ZDHHC22: variants seen among roughly 807,000 people sequenced by gnomAD.
ZDHHC22 encodes palmitoyltransferase ZDHHC22.
ZDHHC22 carries 13 observed loss-of-function variants against 17.0 expected under a neutral mutation model. That is an observed-to-expected ratio of 0.76 (90% CI 0.50 to 1.21). ZDHHC22 has a LOEUF of 1.21. ZDHHC22 is among the 50% of genes most tolerant of loss of function. The pLI, the probability that ZDHHC22 is intolerant of heterozygous loss-of-function variation, is 0.00. For synonymous variants in ZDHHC22, 138 were observed against 154.7 expected, an observed-to-expected ratio of 0.89 and a Z score of 0.80; for missense variants, 319 against 342.3, an observed-to-expected ratio of 0.93 and a Z score of 0.54.
chr14:77,139,422 C>G lies in ZDHHC22; in HGVS notation c.317G>C (p.Arg106Thr). ...GGTGAAGAAACAGTGATGGTCGTGCCTCAGGGTGACTCTGGCGCACACTCG... is the reference window on the plus strand; with the variant it reads ...GGTGAAGAAACAGTGATGGTCGTGCGTCAGGGTGACTCTGGCGCACACTCG... Reference protein sequence around the residue: ...FCRVCARVTLRHDHHCFFTGN... With the variant: ...FCRVCARVTLTHDHHCFFTGN... Residue 106 changes from arginine (R) to threonine (T), a missense_variant, in exon 2 of 3, where the codon AGG becomes ACG. Physicochemically the swap from Arg to Thr is moderately conservative, Grantham distance 71. Transcript: ENST00000319374. The G allele has an allele frequency of 6.2e-7, 1 of 1,611,908 alleles. No homozygotes were observed.
chr14:77,135,435 C>A (rs76396729), intron 2 of ZDHHC22, among the ~76,000 whole-genome samples: 2 of 152,252 alleles, frequency 1.3e-5, no homozygotes, highest in Middle Eastern at 3.4e-3. Flanking sequence ...TAGCAGCCTC[C>A]TCTTGTCCTC....
At position 77,139,725 on chromosome 14, in the gene ZDHHC22, C is replaced by T. The variant is rs1887213274; in HGVS notation, c.14G>A (p.Arg5Gln). The change falls in exon 2 of 3, where the codon CGG (arginine) becomes CAG (glutamine). Residue 5 changes from arginine to glutamine, a missense_variant. Arg to Gln is a conservative substitution (Grantham distance 43). Transcript: ENST00000319374. ...GGCGGGGGCCACCACGTTGAGCAGC[C>T]GCAGGGCCAGCATCCTCGATTACAT... MLAL[R>Q]LLNVVAPAYF... The T allele has an allele frequency of 6.6e-7, 1 of 1,507,730 alleles. No homozygotes were observed. Among genetic ancestry groups the T allele is most frequent in the Non-Finnish European group, 8.9e-7 (1 of 1,128,194 alleles). The allele number at this position is 1,507,730 out of a possible 1,614,324, so 93.4% of individuals were successfully genotyped here.
chr14:77,133,656 C>T lies in ZDHHC22; in HGVS notation c.*27G>A. ...TGCTCAGGAGGAGTCAAGACAGAGA[C>T]AGAGAGATAAATGACGGGAGTGTCT... On this transcript the variant is annotated 3_prime_UTR_variant, in exon 3 of 3. Coordinates refer to ENST00000319374, the MANE Select transcript of ZDHHC22 (RefSeq NM_174976.2). The T allele has an allele frequency of 6.3e-7, 1 of 1,596,228 alleles. No individual in the cohort carries two copies.
chr14:77,139,865 A>C, intron 1 of ZDHHC22, 113 bp from the exon 2 acceptor site: 1 of 1,135,020 alleles, frequency 8.8e-7, no homozygotes, highest in Non-Finnish European at 1.2e-6. Flanking sequence ...CACGCCCCCA[A>C]CCCCCTGTCC....
Position 77,139,327 on chromosome 14 carries a change from G to A in ZDHHC22, c.412C>T (p.Leu138Phe). ...LFCLYTSLACLYSMVAGVAYI... is the reference protein window; with the variant it reads ...LFCLYTSLACFYSMVAGVAYI... ...GCCACGCCGGCCACCATGGAGTAGA[G>A]GCAGGCCAGGGAGGTGTAGAGGCAG... Residue 138 changes from leucine (L) to phenylalanine (F), a missense_variant, in exon 2 of 3, where the codon CTC (leucine) becomes TTC (phenylalanine). Leu to Phe is a conservative substitution (Grantham distance 22). Coordinates refer to ENST00000319374, the MANE Select transcript of ZDHHC22 (RefSeq NM_174976.2). 1 of 1,600,358 alleles carries A rather than the reference G, an allele frequency of 6.2e-7. No individual in the cohort carries two copies. Among genetic ancestry groups the A allele is most frequent in the Non-Finnish European group, 8.5e-7 (1 of 1,173,854 alleles).
At position 77,133,706 on chromosome 14, in the gene ZDHHC22, T is replaced by G; in HGVS notation, c.769A>C (p.Ser257Arg). 3 of 1,613,806 alleles carry G rather than the reference T, an allele frequency of 1.9e-6. No homozygotes were observed. In the South Asian group the frequency reaches 3.3e-5, roughly 18 times the overall value. ...TACTACTTATCCTGCTGCTTGGAGC[T>G]CTCACTTCCGACATTGAACATGGGG... ...LVPMFNVGSE[S>R]SKQQDK Residue 257 changes from serine (S) to arginine (R), a missense_variant, in exon 3 of 3, where the codon AGC becomes CGC. Ser to Arg is a moderately radical substitution (Grantham distance 110). Transcript: ENST00000319374.
At position 77,140,345 on chromosome 14, in the gene ZDHHC22, T is replaced by A. The variant is rs1887228780; in HGVS notation, c.-14-593A>T. On this transcript the variant is annotated intron_variant, in intron 1 of 2. Transcript: ENST00000319374. The surrounding 1 kb of genome is among the most constrained non-coding windows in gnomAD (Gnocchi z 5.9). ...GGTATGTGTGCGTGAGGGACCACGA[T>A]GTGTGTGTGTGTGTCCTTGTCTGTG... is the stretch of plus-strand genomic sequence containing the variant. 6.8e-6 allele frequency among the ~76,000 whole-genome samples: 1 copy of A among 146,324 alleles called. No individual in the cohort carries two copies. Among genetic ancestry groups the A allele is most frequent in the African/African-American group, 2.8e-5 (1 of 36,214 alleles).
chr14:77,139,850 G>T (rs1048549250), intron 1 of ZDHHC22, 98 bp from the exon 2 acceptor site: 2 of 1,246,694 alleles, frequency 1.6e-6, no homozygotes, highest in Admixed American at 2.9e-5. Flanking sequence ...CACTGCACGC[G>T]ACTCCACGCC....
Position 77,133,464 on chromosome 14 carries a change from C to G in ZDHHC22, c.*219G>C. 1.7e-6 allele frequency: 1 copy of G among 593,402 alleles called. No individual in the cohort carries two copies. The highest frequency in any genetic ancestry group is 3.6e-5 in the Admixed American group (1 of 27,738). 36.8% of individuals were successfully genotyped at this position (593,402 alleles called of 1,614,324 possible). A position where few individuals can be genotyped will look rare whatever the true frequency, so the allele number is the denominator to read the frequency against. ...AGCCTAACAGCTAGCAGCCACCTGG[C>G]TGGCTCGTGAGGAGCCTAGAAATGC... On this transcript the variant is annotated 3_prime_UTR_variant, in exon 3 of 3. Coordinates refer to ENST00000319374, the MANE Select transcript of ZDHHC22 (RefSeq NM_174976.2).
intron 2 of ZDHHC22, among the ~76,000 whole-genome samples, chr14:77,134,946 C>T (rs549748061): frequency 6.6e-6 from 1 of 152,286 alleles, no homozygotes; most frequent in East Asian, 1.9e-4. Context: ...AGCGGTGCTC[C>T]CAGCAGAGGG....
Position 77,140,996 on chromosome 14 carries a change from TC to T in ZDHHC22, c.-15+606del, listed in dbSNP as rs1203224973. On this transcript the variant is annotated intron_variant, in intron 1 of 2. Transcript: ENST00000319374. This position sits in a 1 kb window ranked among gnomAD's most constrained non-coding sequence, Gnocchi z 5.9. Reference sequence around the variant, plus strand: ...TGCCACGGGGCCTCCGTCCAGGCTGTCCCGTCCGCACGGGTCGACTGGTCAC... The same window carrying T: ...TGCCACGGGGCCTCCGTCCAGGCTGTCCGTCCGCACGGGTCGACTGGTCAC... The T allele has an allele frequency of 6.6e-6, 1 of 152,258 alleles. No homozygotes were observed. The highest frequency in any genetic ancestry group is 1.5e-5 in the Non-Finnish European group (1 of 68,084). 9.4% of individuals were successfully genotyped at this position (152,258 alleles called of 1,614,324 possible).
chr14:77,134,879 G>A (rs1318176874), intron 2 of ZDHHC22, among the ~76,000 whole-genome samples: 1 of 152,188 alleles, frequency 6.6e-6, no homozygotes, highest in Non-Finnish European at 1.5e-5. Flanking sequence ...ATTTCATACA[G>A]CTGCATGTTT....
chr14:77,134,959 A>C (rs1887106785), intron 2 of ZDHHC22, among the ~76,000 whole-genome samples: 1 of 152,220 alleles, frequency 6.6e-6, no homozygotes, highest in Non-Finnish European at 1.5e-5. Flanking sequence ...GCAGAGGGTC[A>C]TTTTACAGAG....
intron 2 of ZDHHC22, among the ~76,000 whole-genome samples, chr14:77,134,793 G>A (rs1412018889): frequency 1.3e-5 from 2 of 152,316 alleles, no homozygotes; most frequent in South Asian, 2.1e-4. Context: ...TCTCCCAGCT[G>A]TGTGGACTGG....
intron 2 of ZDHHC22, among the ~76,000 whole-genome samples, chr14:77,136,719 G>A (rs1887143823): frequency 6.6e-6 from 1 of 152,152 alleles, no homozygotes; most frequent in Non-Finnish European, 1.5e-5. Context: ...ATGCTCTGGT[G>A]ACAGATCTGA....
chr14:77,139,073 T>C (rs1887191641), intron 2 of ZDHHC22, 140 bp downstream of exon 2: 2 of 997,136 alleles, frequency 2.0e-6, no homozygotes, highest in Non-Finnish European at 2.9e-6. Context: ...GTTGTTTATC[T>C]GAAATTTTAA....
chr14:77,136,748 T>G (rs989339521), intron 2 of ZDHHC22, among the ~76,000 whole-genome samples: 1 of 152,146 alleles, frequency 6.6e-6, no homozygotes, highest in African/African-American at 2.4e-5. Context: ...TGTACCACAG[T>G]TGGGGACAGC....
chr14:77,135,475 T>TA lies in ZDHHC22; in HGVS notation c.527-1528_527-1527insT, dbSNP rs201802823. On this transcript the variant is annotated intron_variant, in intron 2 of 2. Transcript: ENST00000319374. ...CTAGGAGCTTGGATAGCTGTATTAT[T>TA]TTTTTTTTTTTTTACAAAGCTGGGG... Among the ~76,000 whole-genome samples, 172 of 73,118 alleles carry TA rather than the reference T, an allele frequency of 2.4e-3. 2 individuals are homozygous for TA. The South Asian group carries it at 0.025, about 11-fold the overall frequency. The allele number at this position is 73,118 out of a possible 152,430, so 48.0% of individuals were successfully genotyped here. A position where few individuals can be genotyped will look rare whatever the true frequency, so the allele number is the denominator to read the frequency against.
rs1887226887 is a variant in ZDHHC22 at position 77,140,254 on chromosome 14, C to T, written c.-14-502G>A. Among the ~76,000 whole-genome samples, 1 of 152,138 alleles carries T rather than the reference C, an allele frequency of 6.6e-6. No homozygotes were observed. Among genetic ancestry groups the T allele is most frequent in the Non-Finnish European group, 1.5e-5 (1 of 68,032 alleles). On this transcript the variant is annotated intron_variant, in intron 1 of 2. Coordinates refer to ENST00000319374, the MANE Select transcript of ZDHHC22 (RefSeq NM_174976.2). This position sits in a 1 kb window ranked among gnomAD's most constrained non-coding sequence, Gnocchi z 5.9. ...CACTCCCCTTTCTCCGTCCCTGCGT[C>T]CCCACCCACACACACATCTTGGGCA...
Sources: gnomAD v4.1 joint callset for allele counts (sites outside exome capture counted in the v4.1 genomes callset) on GRCh38, gnomAD v4.1.1 for gene constraint, Gnocchi (gnomAD v3.1) non-coding constraint, MANE v1.5 for transcripts, NCBI Gene and HGNC (gene_info 2026-07-23, HGNC 2026-07-21) for gene names.